LEPR: variants seen among roughly 807,000 people sequenced by gnomAD.
LEPR encodes OB receptor.
In LEPR, 56 loss-of-function variants were observed where a neutral mutation model predicts 114.7. That is an observed-to-expected ratio of 0.49 (90% CI 0.39 to 0.61). The LOEUF (loss-of-function observed/expected upper bound fraction) is 0.61, where lower values mean the gene tolerates loss of function less well. Ranked by LOEUF, LEPR falls within the 20% of genes least tolerant of loss-of-function variation. The pLI is 0.00. For missense variants in LEPR, 1,202 were observed against 1,352.9 expected, an observed-to-expected ratio of 0.89 and a Z score of 1.75; for synonymous variants, 443 against 461.4, an observed-to-expected ratio of 0.96 and a Z score of 0.51.
intron 2 of LEPR, among the ~76,000 whole-genome samples, chr1:65,485,756 A>G (rs1445526668): frequency 6.6e-6 from 1 of 152,164 alleles, no homozygotes; most frequent in African/African-American, 2.4e-5. Flanking sequence ...AGTCTACAAT[A>G]TTGCTTATAA....
At chr1:65,510,892 T>C (rs1047590321) in intron 2 of LEPR, among the ~76,000 whole-genome samples, 4 of 152,100 alleles carry the variant, frequency 2.6e-5, no homozygotes, top group Admixed American at 2.0e-4. Context: ...CAATCTGTAA[T>C]TGAAACAAAA....
chr1:65,541,490 A>C (rs1570644251), intron 2 of LEPR, among the ~76,000 whole-genome samples: 1 of 152,256 alleles, frequency 6.6e-6, no homozygotes, highest in East Asian at 1.9e-4. Flanking sequence ...CAAGTGACAA[A>C]TATTTATGCC....
intron 2 of LEPR, among the ~76,000 whole-genome samples, chr1:65,516,292 G>A (rs768812933): frequency 1.3e-5 from 2 of 151,854 alleles, no homozygotes; most frequent in Non-Finnish European, 2.9e-5. Context: ...AAAATTAGCC[G>A]GATTAGCCCG....
chr1:65,530,435 A>G (rs1650304184), intron 2 of LEPR, among the ~76,000 whole-genome samples: 1 of 152,216 alleles, frequency 6.6e-6, no homozygotes, highest in Non-Finnish European at 1.5e-5. Context: ...TTGGAAAGTG[A>G]AGGAATAAAA....
chr1:65,592,799 T>C lies in LEPR; in HGVS notation c.637T>C (p.Leu213=), dbSNP rs769807841. The C allele has an allele frequency of 2.0e-5, 33 of 1,613,276 alleles. No homozygotes were observed. Among genetic ancestry groups the C allele is most frequent in the Non-Finnish European group, 2.7e-5 (32 of 1,179,478 alleles). ...AKLNDTLLMC[L]KITSGGVIFQ... ...ACTCAACGACACTCTCCTTATGTGTTTGAAAATCACATCTGGTGGAGTAAT... is the reference window on the plus strand; with the variant it reads ...ACTCAACGACACTCTCCTTATGTGTCTGAAAATCACATCTGGTGGAGTAAT... The change falls in exon 6 of 20, where the codon TTG becomes CTG. Residue 213 remains leucine, a synonymous_variant. Coordinates refer to ENST00000349533, the MANE Select transcript of LEPR (RefSeq NM_002303.6).
Position 65,593,483 on chromosome 1 carries a change from C to T in LEPR, c.703+618C>T, listed in dbSNP as rs773478063. Reference sequence around the variant, plus strand: ...TGTGAATAATACAGGAAAATGTTAGCGCTATGTATTTAATTTATTAATTTC... The same window carrying T: ...TGTGAATAATACAGGAAAATGTTAGTGCTATGTATTTAATTTATTAATTTC... On this transcript the variant is annotated intron_variant, in intron 6 of 19. Coordinates refer to ENST00000349533, the MANE Select transcript of LEPR (RefSeq NM_002303.6). Among the ~76,000 whole-genome samples, 9 of 152,076 alleles carry T rather than the reference C, an allele frequency of 5.9e-5. No individual in the cohort carries two copies. The South Asian group carries it at 6.2e-4, about 11-fold the overall frequency.
intron 2 of LEPR, among the ~76,000 whole-genome samples, chr1:65,527,408 G>A (rs1481858587): frequency 1.3e-5 from 2 of 152,208 alleles, no homozygotes; most frequent in Non-Finnish European, 2.9e-5. Context: ...TCTACAGTGA[G>A]TATGTACTGT....
chr1:65,474,563 G>C (rs1013081133), intron 2 of LEPR, among the ~76,000 whole-genome samples: 4 of 152,162 alleles, frequency 2.6e-5, no homozygotes, highest in Non-Finnish European at 5.9e-5. Context: ...CCAAGTCTAT[G>C]CATTTATCAT....
chr1:65,420,844 ACCAC>A, intron 1 of LEPR, 104 bp downstream of exon 1: 13 of 1,354,636 alleles, frequency 9.6e-6, no homozygotes, highest in Non-Finnish European at 1.2e-5. Context: ...GAACGGCCTC[ACCAC>A]CCTTCCCGCC....
Position 65,488,222 on chromosome 1 carries a change from C to CTTTCTTTCTT in LEPR, c.-21+62845_-21+62846insTTCTTTCTTT, listed in dbSNP as rs1284234824. Among the ~76,000 whole-genome samples the CTTTCTTTCTT allele has an allele frequency of 5.0e-3, 355 of 70,628 alleles. 6 individuals are homozygous for CTTTCTTTCTT. Among genetic ancestry groups the CTTTCTTTCTT allele is most frequent in the South Asian group, 8.9e-3 (16 of 1,804 alleles). The allele number at this position is 70,628 out of a possible 152,430, so 46.3% of individuals were successfully genotyped here. Reference sequence around the variant, plus strand: ...TTTCTTTCTTTCTTTCTCTCTCTCTCTCTCTCTTTCTTTCTTTCTTTCTTT... The same window carrying CTTTCTTTCTT: ...TTTCTTTCTTTCTTTCTCTCTCTCTCTTTCTTTCTTTCTCTCTTTCTTTCTTTCTTTCTTT... On this transcript the variant is annotated intron_variant, in intron 2 of 19. Transcript: ENST00000349533.
intron 2 of LEPR, among the ~76,000 whole-genome samples, chr1:65,463,890 G>A (rs1168603765): frequency 1.3e-5 from 2 of 152,186 alleles, no homozygotes; most frequent in Non-Finnish European, 2.9e-5. Flanking sequence ...CTGAGACTTT[G>A]TTGAAGTTGC....
At chr1:65,459,818 A>G (rs1412712517) in intron 2 of LEPR, among the ~76,000 whole-genome samples, 1 of 152,156 alleles carries the variant, frequency 6.6e-6, no homozygotes, top group Non-Finnish European at 1.5e-5. Flanking sequence ...CCACCATTTT[A>G]GCCATTCTCT....
At chr1:65,443,782 A>G (rs1646678827) in intron 2 of LEPR, among the ~76,000 whole-genome samples, 1 of 152,198 alleles carries the variant, frequency 6.6e-6, no homozygotes, top group African/African-American at 2.4e-5. Flanking sequence ...TCAGAGAAGT[A>G]GCAGACAGGA....
At position 65,439,309 on chromosome 1, in the gene LEPR, A is replaced by G. The variant is rs147430181; in HGVS notation, c.-21+13931A>G. Among the ~76,000 whole-genome samples, 824 of 152,336 alleles carry G rather than the reference A, an allele frequency of 5.4e-3. 13 individuals carry two copies. The highest frequency in any genetic ancestry group is 0.019 in the African/African-American group (791 of 41,570). ...TTATTACAAAGTTATACATTAGACA[A>G]TGCGATATTGGAGAAAGGACACCCA... On this transcript the variant is annotated intron_variant, in intron 2 of 19. Transcript: ENST00000349533.
chr1:65,488,198 T>TCTCTCTC (rs1647633683), intron 2 of LEPR, among the ~76,000 whole-genome samples: 2 of 24,604 alleles, frequency 8.1e-5, no homozygotes, highest in East Asian at 1.2e-3. Flanking sequence ...CTTTCTTTCT[T>TCTCTCTC]TCTTTCTTTC....
intron 2 of LEPR, among the ~76,000 whole-genome samples, chr1:65,502,435 T>A (rs1648501565): frequency 1.3e-5 from 2 of 150,784 alleles, no homozygotes; most frequent in Non-Finnish European, 3.0e-5. Flanking sequence ...AGACTGGCAT[T>A]TTTTTTTTAT....
intron 1 of LEPR, among the ~76,000 whole-genome samples, chr1:65,424,973 A>G (rs1387615923): frequency 6.6e-6 from 1 of 152,202 alleles, no homozygotes; most frequent in Non-Finnish European, 1.5e-5. Flanking sequence ...GCAGTCTGTA[A>G]CGGGTCAAAT....
At chr1:65,531,051 T>A (rs1056240422) in intron 2 of LEPR, among the ~76,000 whole-genome samples, 2 of 152,200 alleles carry the variant, frequency 1.3e-5, no homozygotes, top group Admixed American at 6.5e-5. Flanking sequence ...TCCATGGATT[T>A]CTGGTTCACA....
intron 19 of LEPR, chr1:65,635,174 T>A: frequency 1.0e-6 from 1 of 955,784 alleles, no homozygotes. Flanking sequence ...CTGAATTCTA[T>A]TAGTTTAAAA....
Sources: gnomAD v4.1 joint callset for allele counts (sites outside exome capture counted in the v4.1 genomes callset) on GRCh38, gnomAD v4.1.1 for gene constraint, MANE v1.5 for transcripts, NCBI Gene and HGNC (gene_info 2026-07-23, HGNC 2026-07-21) for gene names.